Variants in CD33 observed in about 807,000 individuals in gnomAD.
The protein encoded by CD33 is myeloid cell surface antigen CD33.
In CD33, 25 loss-of-function variants were observed where a neutral mutation model predicts 31.4. The observed-to-expected ratio is 0.80, with a 90% CI of 0.58 to 1.11. CD33 has a LOEUF of 1.11. Among genes scored for constraint, CD33 ranks in the 50% most tolerant of loss-of-function variants. The pLI is 0.00. For synonymous variants in CD33, 176 were observed against 180.6 expected, an observed-to-expected ratio of 0.97 and a Z score of 0.20; for missense variants, 407 against 448.1, an observed-to-expected ratio of 0.91 and a Z score of 0.83.
chr19:51,211,097 T>G, the CD33 span: 1 of 1,551,524 alleles, frequency 6.4e-7, no homozygotes. Context: ...CCGGGAAGCC[T>G]CTGCCTCAGA....
At chr19:51,221,519 A>G (rs60279967), upstream of CD33, among the ~76,000 whole-genome samples, 5,645 of 152,322 alleles carry the variant, frequency 0.037, 333 homozygotes, top group African/African-American at 0.13. Flanking sequence ...AGGATGTGAA[A>G]CAATCAGAAT....
chr19:51,227,226 T>C (rs1383586078), intron 4 of CD33, among the ~76,000 whole-genome samples: 1 of 138,090 alleles, frequency 7.2e-6, no homozygotes, highest in East Asian at 1.9e-4. Flanking sequence ...TTCCTTTCTA[T>C]AAATGCCCAG....
chr19:51,211,556 A>G, the CD33 span: 2 of 1,519,682 alleles, frequency 1.3e-6, no homozygotes, highest in South Asian at 1.3e-5. Context: ...AAACACAGTT[A>G]CAAATCTCCC....
chr19:51,215,981 T>C, the CD33 span, among the ~76,000 whole-genome samples: 2 of 152,170 alleles, frequency 1.3e-5, no homozygotes, highest in African/African-American at 4.8e-5. Flanking sequence ...CCTTGTTTCC[T>C]CTCCATTGCT....
rs756415112 is a variant in CD33, at chr19:51,239,594, T to C, written c.1001T>C (p.Met334Thr). 1 of 1,613,932 alleles carries C rather than the reference T, an allele frequency of 6.2e-7. No individual in the cohort carries two copies. The highest frequency in any genetic ancestry group is 1.1e-5 in the South Asian group (1 of 91,018). Reference sequence around the variant, plus strand: ...TCAGGTGCCGCCCCTACTGTGGAGATGGATGAGGAGCTGCATTATGCTTCC... The same window carrying C: ...TCAGGTGCCGCCCCTACTGTGGAGACGGATGAGGAGCTGCATTATGCTTCC... ...SCSGAAPTVE[M>T]DEELHYASLN... is the part of the protein sequence containing the mutation. The change falls in exon 7 of 7, where the codon ATG (methionine) becomes ACG (threonine). Residue 334 changes from methionine to threonine, a missense_variant. Met to Thr is a moderately conservative substitution (Grantham distance 81). Transcript: ENST00000262262.
At chr19:51,212,549 C>A in the CD33 span, among the ~76,000 whole-genome samples, 14 of 151,740 alleles carry the variant, frequency 9.2e-5, no homozygotes, top group African/African-American at 3.4e-4. Flanking sequence ...CCCCTCAGAC[C>A]CCACACACAA....
At chr19:51,237,701 A>G (rs1483582196) in intron 6 of CD33, 1 of 152,278 alleles carries the variant, frequency 6.6e-6, no homozygotes, top group Non-Finnish European at 1.5e-5. Flanking sequence ...TTGAAGAGAC[A>G]TAGGAGCTGC....
upstream of CD33, among the ~76,000 whole-genome samples, chr19:51,224,719 G>A (rs1432823478): frequency 6.6e-6 from 1 of 152,140 alleles, no homozygotes; most frequent in Non-Finnish European, 1.5e-5. Flanking sequence ...GGATCTAGGT[G>A]AGGCTGCGAC....
intron 6 of CD33, chr19:51,236,901 G>A (rs1173262845): frequency 6.6e-6 from 1 of 152,194 alleles, no homozygotes; most frequent in Non-Finnish European, 1.5e-5. Context: ...CTCCCTAAAA[G>A]GTCATTGTCC....
chr19:51,212,651 G>A, the CD33 span, among the ~76,000 whole-genome samples: 2 of 152,024 alleles, frequency 1.3e-5, no homozygotes, highest in Admixed American at 1.3e-4. Flanking sequence ...CACGCCTCCT[G>A]CCTCCTCTTT....
At chr19:51,235,528 C>A in intron 5 of CD33, 67 bp from the exon 6 acceptor site, 1 of 1,541,904 alleles carries the variant, frequency 6.5e-7, no homozygotes, top group South Asian at 1.2e-5. Context: ...TCCCTCATTC[C>A]AGGCTCATAA....
chr19:51,216,929 A>G, the CD33 span, among the ~76,000 whole-genome samples: 5 of 152,168 alleles, frequency 3.3e-5, no homozygotes, highest in Non-Finnish European at 7.3e-5. Context: ...AAGGGGGAAG[A>G]GCAAATGCAT....
chr19:51,217,973 G>A, the CD33 span, among the ~76,000 whole-genome samples: 1 of 152,140 alleles, frequency 6.6e-6, no homozygotes, highest in Admixed American at 6.5e-5. Flanking sequence ...TATCTTTGCT[G>A]TTGTGAATAG....
the CD33 span, among the ~76,000 whole-genome samples, chr19:51,214,801 A>G: frequency 6.6e-6 from 1 of 152,206 alleles, no homozygotes; most frequent in Admixed American, 6.5e-5. Flanking sequence ...CTTTTCTGAT[A>G]GTGTCAATCA....
chr19:51,231,304 G>C (rs760686257), intron 4 of CD33, among the ~76,000 whole-genome samples: 1 of 152,166 alleles, frequency 6.6e-6, no homozygotes, highest in Admixed American at 6.5e-5. Flanking sequence ...CCATACTAGC[G>C]TCGGCCCCCT....
chr19:51,235,542 T>C, intron 5 of CD33, 53 bp from the exon 6 acceptor site: 1 of 1,572,002 alleles, frequency 6.4e-7, no homozygotes, highest in Non-Finnish European at 8.6e-7. Context: ...CTCATAACAA[T>C]GGCCCCACAG....
At chr19:51,226,253 C>T in intron 3 of CD33, 56 bp from the exon 4 acceptor site, 1 of 1,549,274 alleles carries the variant, frequency 6.5e-7, no homozygotes, top group Non-Finnish European at 8.9e-7. Context: ...GGGGAAATGC[C>T]TACCCTTATC....
chr19:51,226,395 T>C (rs539344693), intron 4 of CD33, 39 bp downstream of exon 4: 8 of 1,569,244 alleles, frequency 5.1e-6, no homozygotes, highest in East Asian at 2.2e-5. Flanking sequence ...GTTACTGACA[T>C]TGAGTCTGTG....
the CD33 span, among the ~76,000 whole-genome samples, chr19:51,212,528 G>A: frequency 1.6e-5 from 2 of 126,562 alleles, no homozygotes; most frequent in Admixed American, 8.4e-5. Flanking sequence ...TGTCCCCATC[G>A]CCCCCTCACT....
Sources: gnomAD v4.1 joint callset for allele counts (sites outside exome capture counted in the v4.1 genomes callset) on GRCh38, gnomAD v4.1.1 for gene constraint, MANE v1.5 for transcripts, NCBI Gene and HGNC (gene_info 2026-07-23, HGNC 2026-07-21) for gene names.